The following KYNU variants were observed in gnomAD, a reference collection of about 807,000 sequenced individuals.
The protein encoded by KYNU is kynureninase.
Under a neutral mutation model 59.2 loss-of-function variants are expected in KYNU, and 54 were observed. That is an observed-to-expected ratio of 0.91 (90% confidence interval 0.73 to 1.14). KYNU has a LOEUF of 1.14. Ranked by LOEUF, KYNU falls within the 50% of genes most tolerant of loss-of-function variation. The probability of loss-of-function intolerance (pLI) is 0.00; values close to 1 mark genes in which losing one functional copy is unlikely to be tolerated. For synonymous variants in KYNU, 177 were observed against 192.0 expected, an observed-to-expected ratio of 0.92 and a Z score of 0.65; for missense variants, 567 against 554.4, an observed-to-expected ratio of 1.02 and a Z score of -0.23.
At chr2:142,883,193 T>C (rs1216180407) in intron 1 of KYNU, among the ~76,000 whole-genome samples, 12 of 125,578 alleles carry the variant, frequency 9.6e-5, no homozygotes, top group South Asian at 3.1e-4. Flanking sequence ...TTTCTTTTTT[T>C]TTTTTTTTTT....
chr2:142,901,122 C>A (rs1266532391), intron 2 of KYNU, among the ~76,000 whole-genome samples: 1 of 151,060 alleles, frequency 6.6e-6, no homozygotes, highest in African/African-American at 2.4e-5. Flanking sequence ...ATTTTTTTGA[C>A]ACACTTCACA....
chr2:143,023,617 T>C (rs1686469032), intron 10 of KYNU, among the ~76,000 whole-genome samples: 1 of 151,902 alleles, frequency 6.6e-6, no homozygotes, highest in African/African-American at 2.4e-5. Context: ...AATTCATAAC[T>C]GTTTTATCTT....
intron 10 of KYNU, among the ~76,000 whole-genome samples, chr2:143,003,897 C>T (rs399540): frequency 0.053 from 8,070 of 151,998 alleles, 561 homozygotes; most frequent in African/African-American, 0.16. Flanking sequence ...ATATAAAGAA[C>T]GCTGTGTTTG....
At chr2:143,027,026 C>T (rs73964630) in intron 10 of KYNU, among the ~76,000 whole-genome samples, 8 of 152,062 alleles carry the variant, frequency 5.3e-5, no homozygotes, top group African/African-American at 1.9e-4. Flanking sequence ...AACATTTGAG[C>T]GGGAAAACAG....
chr2:142,905,022 C>T (rs955430334), intron 2 of KYNU, among the ~76,000 whole-genome samples: 1 of 152,164 alleles, frequency 6.6e-6, no homozygotes, highest in African/African-American at 2.4e-5. Context: ...GATGCATTCC[C>T]ATAAACAACA....
chr2:142,941,629 G>GT (rs1683603929), intron 4 of KYNU, among the ~76,000 whole-genome samples: 1 of 152,178 alleles, frequency 6.6e-6, no homozygotes, highest in Non-Finnish European at 1.5e-5. Flanking sequence ...TAGGAAGGGT[G>GT]TGATAGCTCC....
Position 143,044,520 on chromosome 2 carries a change from G to A in KYNU, c.*2348G>A, listed in dbSNP as rs1192345343. ...TTGTTTCTTGACTTTTTAATGATTA[G>A]CATTCTAACTGGCGTGAGATGGTAT... On this transcript the variant is annotated 3_prime_UTR_variant, in exon 14 of 14. Coordinates refer to ENST00000264170, the MANE Select transcript of KYNU (RefSeq NM_003937.3). The A allele has an allele frequency of 6.6e-6, 1 of 151,940 alleles. No individual in the cohort carries two copies. Among genetic ancestry groups the A allele is most frequent in the African/African-American group, 2.4e-5 (1 of 41,384 alleles). The allele number at this position is 151,940 out of a possible 1,614,324, so 9.4% of individuals were successfully genotyped here.
chr2:143,051,599 T>G lies in KYNU; in HGVS notation c.*9427T>G, dbSNP rs1687267716. The G allele has an allele frequency of 6.6e-6, 1 of 152,198 alleles. No individual in the cohort carries two copies. The highest frequency in any genetic ancestry group is 2.4e-5 in the African/African-American group (1 of 41,458). 9.4% of individuals were successfully genotyped at this position (152,198 alleles called of 1,614,324 possible). On this transcript the variant is annotated 3_prime_UTR_variant, in exon 14 of 14. Coordinates refer to ENST00000264170, the MANE Select transcript of KYNU (RefSeq NM_003937.3). Reference sequence around the variant, plus strand: ...GAATCATGGGGGCAGGACTTTCCCATGATGTTCTCATGATAATGAATAAGT... The same window carrying G: ...GAATCATGGGGGCAGGACTTTCCCAGGATGTTCTCATGATAATGAATAAGT...
At chr2:142,945,537 G>A (rs769281521) in intron 4 of KYNU, among the ~76,000 whole-genome samples, 1 of 152,048 alleles carries the variant, frequency 6.6e-6, no homozygotes, top group Non-Finnish European at 1.5e-5. Flanking sequence ...GAGCCTATCA[G>A]TCATCCATGA....
In KYNU at chr2:143,055,455, T is replaced by TTTGAGTCTA. The variant is rs369041660; in HGVS notation, c.*13289_*13297dup. On this transcript the variant is annotated 3_prime_UTR_variant, in exon 14 of 14. Coordinates refer to ENST00000264170, the MANE Select transcript of KYNU (RefSeq NM_003937.3). ...TCTGTCTTCCACTTTTAAGAGCCTT[T>TTTGAGTCTA]TTGAGTCTATTGAGGCCAACTGGAC... The TTTGAGTCTA allele has an allele frequency of 6.6e-6, 1 of 152,242 alleles. No individual in the cohort carries two copies. Among genetic ancestry groups the TTTGAGTCTA allele is most frequent in the Non-Finnish European group, 1.5e-5 (1 of 68,046 alleles). 9.4% of individuals were successfully genotyped at this position (152,242 alleles called of 1,614,324 possible).
chr2:142,882,341 T>A (rs544993478), intron 1 of KYNU, among the ~76,000 whole-genome samples: 17 of 152,070 alleles, frequency 1.1e-4, no homozygotes, highest in African/African-American at 3.1e-4. Context: ...TTTTTTTTTT[T>A]AATTATACTT....
rs1687190446 is a variant in KYNU, at chr2:143,047,816, C to T, written c.*5644C>T. ...CCTCAAGCAGTCCTCCCTCCTCAGCCTCCCATTACAGGCATAAGCTGCCAC... is the reference window on the plus strand; with the variant it reads ...CCTCAAGCAGTCCTCCCTCCTCAGCTTCCCATTACAGGCATAAGCTGCCAC... On this transcript the variant is annotated 3_prime_UTR_variant, in exon 14 of 14. Coordinates refer to ENST00000264170, the MANE Select transcript of KYNU (RefSeq NM_003937.3). The T allele has an allele frequency of 6.5e-6, 1 of 152,672 alleles. No homozygotes were observed. Among genetic ancestry groups the T allele is most frequent in the Admixed American group, 6.6e-5 (1 of 15,222 alleles). 9.5% of individuals were successfully genotyped at this position (152,672 alleles called of 1,614,324 possible).
chr2:142,967,046 A>G (rs1684566686), intron 8 of KYNU, among the ~76,000 whole-genome samples: 1 of 152,126 alleles, frequency 6.6e-6, no homozygotes, highest in Non-Finnish European at 1.5e-5. Flanking sequence ...GAAGTTTTAA[A>G]AAGTTAAGAG....
intron 10 of KYNU, among the ~76,000 whole-genome samples, chr2:142,998,460 G>A (rs376194657): frequency 7.9e-5 from 12 of 152,170 alleles, no homozygotes; most frequent in East Asian, 5.8e-4. Context: ...TCTGTGCAAT[G>A]TATTTCGTGT....
chr2:142,920,951 C>T (rs1682860088), intron 3 of KYNU, among the ~76,000 whole-genome samples: 1 of 152,164 alleles, frequency 6.6e-6, no homozygotes, highest in African/African-American at 2.4e-5. Flanking sequence ...AGCTTAAAAT[C>T]CCACTTCTGA....
chr2:142,960,862 T>A, intron 8 of KYNU, 92 bp downstream of exon 8: 1 of 1,327,458 alleles, frequency 7.5e-7, no homozygotes, highest in East Asian at 2.3e-5. Context: ...TACTTTAGCT[T>A]GTGTCTGAGT....
At chr2:142,980,338 A>G (rs994748791) in intron 8 of KYNU, among the ~76,000 whole-genome samples, 4 of 149,182 alleles carry the variant, frequency 2.7e-5, no homozygotes, top group African/African-American at 9.9e-5. Context: ...AGCTTTACTC[A>G]ACCAGTTTTA....
chr2:143,002,574 G>T (rs1685735148), intron 10 of KYNU, among the ~76,000 whole-genome samples: 1 of 152,128 alleles, frequency 6.6e-6, no homozygotes, highest in Admixed American at 6.5e-5. Context: ...TCCACACACA[G>T]AAGTGTCAAG....
chr2:142,996,583 T>A (rs1000590984), intron 10 of KYNU, among the ~76,000 whole-genome samples: 3 of 152,064 alleles, frequency 2.0e-5, no homozygotes, highest in African/African-American at 7.2e-5. Flanking sequence ...AGATGAAATG[T>A]AAGCTAACTG....
Sources: allele counts gnomAD v4.1 joint callset (sites outside exome capture counted in the v4.1 genomes callset), GRCh38; gene constraint gnomAD v4.1.1; transcripts MANE v1.5; gene names NCBI Gene and HGNC (gene_info 2026-07-23, HGNC 2026-07-21).